FAR1: variants seen among roughly 807,000 people sequenced by gnomAD.
FAR1 encodes the protein fatty acyl-CoA reductase 1.
Under a neutral mutation model 61.1 loss-of-function variants are expected in FAR1, and 22 were observed. The ratio of observed to expected loss-of-function variants is 0.36; its 90% CI spans 0.26 to 0.51. The LOEUF (loss-of-function observed/expected upper bound fraction) is 0.51. Among genes scored for constraint, FAR1 ranks in the 20% least tolerant of loss-of-function variants. The probability of loss-of-function intolerance (pLI) is 0.95; values close to 1 mark genes in which losing one functional copy is unlikely to be tolerated. For synonymous variants in FAR1, 206 were observed against 209.7 expected (o/e 0.98, Z 0.15); for missense variants, 359 against 626.9 (o/e 0.57, Z 4.56).
chr11:13,685,839 G>A (rs1848179793), intron 1 of FAR1, among the ~76,000 whole-genome samples: 2 of 152,168 alleles, frequency 1.3e-5, no homozygotes, highest in Non-Finnish European at 2.9e-5. Context: ...AAAATTTTCT[G>A]TGGAGCAGAT....
chr11:13,720,577 T>G (rs1207591842), intron 9 of FAR1: 1 of 152,110 alleles, frequency 6.6e-6, no homozygotes, highest in Non-Finnish European at 1.5e-5. Flanking sequence ...CTTCCAGTAT[T>G]CTGGATTCAG....
intron 2 of FAR1, among the ~76,000 whole-genome samples, chr11:13,699,937 T>G (rs1315390663): frequency 1.3e-5 from 2 of 152,160 alleles, no homozygotes; most frequent in African/African-American, 4.8e-5. Flanking sequence ...AAGATCTAGA[T>G]TTTAGAAATC....
chr11:13,720,196 T>C (rs766463869), intron 9 of FAR1: 1 of 152,194 alleles, frequency 6.6e-6, no homozygotes, highest in African/African-American at 2.4e-5. Flanking sequence ...TGAATGAATC[T>C]GAAGATAAGA....
At chr11:13,705,192 T>C (rs1400787909) in intron 3 of FAR1, among the ~76,000 whole-genome samples, 1 of 152,182 alleles carries the variant, frequency 6.6e-6, no homozygotes, top group African/African-American at 2.4e-5. Flanking sequence ...AAGATACATT[T>C]ATGACTCCAT....
intron 1 of FAR1, among the ~76,000 whole-genome samples, chr11:13,692,126 C>T (rs1848257090): frequency 6.6e-6 from 1 of 152,202 alleles, no homozygotes; most frequent in Non-Finnish European, 1.5e-5. Flanking sequence ...GAGATTGTGT[C>T]ACTGCACTTC....
chr11:13,717,143 G>A (rs1402442377), intron 9 of FAR1, among the ~76,000 whole-genome samples: 1 of 151,684 alleles, frequency 6.6e-6, no homozygotes, highest in Admixed American at 6.6e-5. Flanking sequence ...CACTCATCCT[G>A]CCTTCCCCCT....
intron 11 of FAR1, 62 bp from the exon 12 acceptor site, chr11:13,728,550 C>G: frequency 7.0e-7 from 1 of 1,422,992 alleles, no homozygotes. Flanking sequence ...TAATTAGCTG[C>G]CATCTAACAA....
At chr11:13,708,206 C>T (rs549824778) in intron 4 of FAR1, 127 bp downstream of exon 4, 32 of 570,732 alleles carry the variant, frequency 5.6e-5, no homozygotes, top group African/African-American at 2.1e-4. Flanking sequence ...ACTAAAAATA[C>T]GAAAAAAATT....
chr11:13,673,054 A>G (rs1345847469), intron 1 of FAR1, among the ~76,000 whole-genome samples: 8 of 152,220 alleles, frequency 5.3e-5, no homozygotes, highest in Admixed American at 2.6e-4. Flanking sequence ...TGCTGGATTT[A>G]GATATAGCTG....
chr11:13,672,544 C>CAA (rs34377920), intron 1 of FAR1, among the ~76,000 whole-genome samples: 12,081 of 111,296 alleles, frequency 0.11, 610 homozygotes, highest in Middle Eastern at 0.18. Context: ...GACCCTGTCT[C>CAA]AAAAAAAAAA....
At chr11:13,719,371 T>A (rs1565351866) in intron 9 of FAR1, among the ~76,000 whole-genome samples, 2 of 152,204 alleles carry the variant, frequency 1.3e-5, no homozygotes, top group African/African-American at 4.8e-5. Flanking sequence ...ATACAAAGTC[T>A]TATAATTTAT....
At chr11:13,722,843 C>CCTCTCTCTCTCTCTCT in intron 10 of FAR1, among the ~76,000 whole-genome samples, 1 of 143,134 alleles carries the variant, frequency 7.0e-6, no homozygotes, top group South Asian at 2.3e-4. Flanking sequence ...TAGATTTCTC[C>CCTCTCTCTCTCTCTCT]CTCTCTCTCT....
intron 10 of FAR1, among the ~76,000 whole-genome samples, chr11:13,722,858 C>CTCTCTCTCTCTCTA (rs905924337): frequency 8.8e-5 from 13 of 147,868 alleles, no homozygotes; most frequent in South Asian, 8.5e-4. Context: ...CTCTCTCTCT[C>CTCTCTCTCTCTCTA]TATATATATA....
At chr11:13,708,189 C>T (rs912295818) in intron 4 of FAR1, 110 bp downstream of exon 4, 1 of 664,908 alleles carries the variant, frequency 1.5e-6, no homozygotes, top group African/African-American at 1.9e-5. Context: ...TAGTGAAACC[C>T]CATCTCACTA....
At chr11:13,707,513 T>C (rs796518938) in intron 3 of FAR1, among the ~76,000 whole-genome samples, 6 of 152,260 alleles carry the variant, frequency 3.9e-5, no homozygotes, top group African/African-American at 1.4e-4. Context: ...AACCATTCTA[T>C]TTTTTTCTCC....
chr11:13,693,496 G>A (rs753173080), intron 1 of FAR1, among the ~76,000 whole-genome samples: 93 of 152,180 alleles, frequency 6.1e-4, no homozygotes, highest in Non-Finnish European at 1.1e-3. Context: ...TTCTCAATCA[G>A]ATCTAGATAC....
intron 10 of FAR1, among the ~76,000 whole-genome samples, chr11:13,726,546 G>C (rs1848668077): frequency 6.6e-6 from 1 of 151,772 alleles, no homozygotes; most frequent in Admixed American, 6.6e-5. Flanking sequence ...TCAACTTACA[G>C]TCTAATAGTT....
chr11:13,686,521 A>G (rs1848187543), intron 1 of FAR1: 1 of 152,230 alleles, frequency 6.6e-6, no homozygotes, highest in Admixed American at 6.5e-5. Flanking sequence ...CCGTTTAAAA[A>G]AAAGTGGTAA....
At chr11:13,690,660 G>A (rs1398427460) in intron 1 of FAR1, among the ~76,000 whole-genome samples, 1 of 152,010 alleles carries the variant, frequency 6.6e-6, no homozygotes, top group Non-Finnish European at 1.5e-5. Flanking sequence ...CTCAATATAT[G>A]GTAATGTAAG....
Sources: allele counts gnomAD v4.1 joint callset (sites outside exome capture counted in the v4.1 genomes callset), GRCh38; gene constraint gnomAD v4.1.1; transcripts MANE v1.5; gene names NCBI Gene and HGNC (gene_info 2026-07-23, HGNC 2026-07-21).